Variants in CSMD1 observed in about 807,000 individuals in gnomAD.
CSMD1 encodes CUB and sushi domain-containing protein 1.
A neutral mutation model predicts 417.5 loss-of-function variants in CSMD1; 213 were observed. That is an observed-to-expected ratio of 0.51 (90% confidence interval 0.46 to 0.57). The LOEUF (loss-of-function observed/expected upper bound fraction) is 0.57. CSMD1 is among the 20% of genes least tolerant of loss of function. The pLI, the probability that CSMD1 is intolerant of heterozygous loss-of-function variation, is 0.00. For synonymous variants in CSMD1, 2,862 were observed against 1,736.8 expected (o/e 1.65, Z -16.11); for missense variants, 6,923 against 4,529.7 (o/e 1.53, Z -15.17).
At chr8:3,799,970 T>C (rs1216402153) in intron 5 of CSMD1, among the ~76,000 whole-genome samples, 4 of 152,192 alleles carry the variant, frequency 2.6e-5, no homozygotes, top group Non-Finnish European at 5.9e-5. Context: ...GTCTGGGGTA[T>C]AAGCATTTCA....
chr8:3,437,084 T>C (rs979852998), intron 12 of CSMD1, among the ~76,000 whole-genome samples: 2 of 152,148 alleles, frequency 1.3e-5, no homozygotes, highest in African/African-American at 4.8e-5. Flanking sequence ...ATCGAAAAAC[T>C]TCAAAGACTG....
intron 49 of CSMD1, among the ~76,000 whole-genome samples, chr8:3,065,044 T>C (rs1018968928): frequency 6.6e-6 from 1 of 152,170 alleles, no homozygotes; most frequent in Non-Finnish European, 1.5e-5. Context: ...GCTAACTTTT[T>C]ACTTAATGGA....
intron 37 of CSMD1, among the ~76,000 whole-genome samples, chr8:3,171,898 G>C (rs1243327480): frequency 6.6e-6 from 1 of 152,102 alleles, no homozygotes; most frequent in African/African-American, 2.4e-5. Flanking sequence ...TTTGCATCCT[G>C]TGTCTCTATA....
chr8:3,082,938 T>A (rs973438464), intron 49 of CSMD1, among the ~76,000 whole-genome samples: 1 of 152,126 alleles, frequency 6.6e-6, no homozygotes. Context: ...GCGGGAAAAA[T>A]AAAATCATGA....
chr8:3,957,041 G>A (rs539661353), intron 5 of CSMD1, among the ~76,000 whole-genome samples: 1 of 152,130 alleles, frequency 6.6e-6, no homozygotes, highest in African/African-American at 2.4e-5. Flanking sequence ...TATCTCAGAA[G>A]GAAGAAATAA....
At chr8:4,042,716 G>A (rs551375196) in intron 3 of CSMD1, among the ~76,000 whole-genome samples, 4 of 148,838 alleles carry the variant, frequency 2.7e-5, no homozygotes, top group African/African-American at 9.8e-5. Flanking sequence ...ATATGTAGAA[G>A]TGACAGAAAT....
At chr8:3,541,771 A>G (rs1426202372) in intron 10 of CSMD1, among the ~76,000 whole-genome samples, 2 of 150,490 alleles carry the variant, frequency 1.3e-5, no homozygotes, top group Admixed American at 1.3e-4. Context: ...AATAATATCA[A>G]CTACAGCTGT....
chr8:4,414,466 G>C (rs112249011), intron 3 of CSMD1, among the ~76,000 whole-genome samples: 1 of 152,120 alleles, frequency 6.6e-6, no homozygotes, highest in South Asian at 2.1e-4. Flanking sequence ...TTTTCTGTTT[G>C]TGAGGATTAA....
intron 3 of CSMD1, among the ~76,000 whole-genome samples, chr8:4,413,652 G>A (rs547881001): frequency 9.2e-5 from 14 of 152,202 alleles, no homozygotes; most frequent in South Asian, 6.2e-4. Context: ...GACTATACAC[G>A]CAATGGTGTA....
At chr8:3,538,335 T>C (rs1364510347) in intron 10 of CSMD1, among the ~76,000 whole-genome samples, 1 of 151,982 alleles carries the variant, frequency 6.6e-6, no homozygotes, top group Admixed American at 6.6e-5. Context: ...TCTGAGATTA[T>C]GCAACTGACA....
At chr8:3,956,364 C>G (rs1025281764) in intron 5 of CSMD1, among the ~76,000 whole-genome samples, 2 of 152,070 alleles carry the variant, frequency 1.3e-5, no homozygotes, top group Non-Finnish European at 2.9e-5. Context: ...CCTTATAGAA[C>G]AATTAGAAGT....
At chr8:3,656,388 C>CT (rs142662430) in intron 7 of CSMD1, among the ~76,000 whole-genome samples, 8,456 of 151,754 alleles carry the variant, frequency 0.056, 495 homozygotes, top group East Asian at 0.17. Context: ...CCTGCTTTCT[C>CT]TTTTTTTTTC....
At chr8:3,651,786 GCACCCACCACCAT>G (rs1797870157) in intron 7 of CSMD1, among the ~76,000 whole-genome samples, 1 of 150,582 alleles carries the variant, frequency 6.6e-6, no homozygotes. Context: ...CACCATCAGA[GCACCCACCACCAT>G]CGCACTTACC....
At chr8:4,756,631 T>C (rs947989239) in intron 1 of CSMD1, among the ~76,000 whole-genome samples, 38 of 152,202 alleles carry the variant, frequency 2.5e-4, no homozygotes, top group African/African-American at 9.2e-4. Flanking sequence ...ATTGTCTCAC[T>C]CCAGGATTAA....
chr8:4,516,297 C>A (rs751240134), intron 2 of CSMD1, among the ~76,000 whole-genome samples: 1 of 152,104 alleles, frequency 6.6e-6, no homozygotes, highest in Non-Finnish European at 1.5e-5. Flanking sequence ...CCACTGACAC[C>A]GTGATCTTGG....
At chr8:3,925,720 C>T (rs370410364) in intron 5 of CSMD1, among the ~76,000 whole-genome samples, 4 of 152,000 alleles carry the variant, frequency 2.6e-5, no homozygotes, top group South Asian at 2.1e-4. Flanking sequence ...TGTTACCTCC[C>T]GCCATGATTC....
At chr8:4,619,170 CT>C (rs1373132540) in intron 2 of CSMD1, among the ~76,000 whole-genome samples, 1 of 152,104 alleles carries the variant, frequency 6.6e-6, no homozygotes, top group Non-Finnish European at 1.5e-5. Context: ...TTATCACTTA[CT>C]TTTAAGGGTG....
chr8:3,418,512 C>G (rs919608135), intron 12 of CSMD1, among the ~76,000 whole-genome samples: 7 of 151,946 alleles, frequency 4.6e-5, no homozygotes, highest in Non-Finnish European at 8.8e-5. Context: ...TTTACTTGGC[C>G]AAATTCCCTG....
chr8:4,529,069 G>T (rs1176753922), intron 2 of CSMD1, among the ~76,000 whole-genome samples: 1 of 152,134 alleles, frequency 6.6e-6, no homozygotes, highest in Non-Finnish European at 1.5e-5. Context: ...GATCTGAAAA[G>T]TTGATCAGAG....
Sources: gnomAD v4.1 joint callset for allele counts (sites outside exome capture counted in the v4.1 genomes callset) on GRCh38, gnomAD v4.1.1 for gene constraint, MANE v1.5 for transcripts, NCBI Gene and HGNC (gene_info 2026-07-23, HGNC 2026-07-21) for gene names.